Variants in RAB27A observed in about 807,000 individuals in gnomAD.
RAB27A encodes the protein RAB27A, member RAS oncogene family, also known as ras-related protein Rab-27A.
A neutral mutation model predicts 20.8 loss-of-function variants in RAB27A; 17 were observed. The ratio of observed to expected loss-of-function variants is 0.82; its 90% CI spans 0.56 to 1.23. The LOEUF (loss-of-function observed/expected upper bound fraction) is 1.23, where lower values mean the gene tolerates loss of function less well. RAB27A is among the 50% of genes most tolerant of loss of function. RAB27A has a pLI of 0.00. For synonymous variants in RAB27A, 85 were observed against 92.8 expected (o/e 0.92, Z 0.48); for missense variants, 277 against 266.7 (o/e 1.04, Z -0.27).
Position 55,204,034 on chromosome 15 carries a change from A to G in RAB27A, c.*1473T>C, listed in dbSNP as rs568895039. 1.9e-4 allele frequency: 29 copies of G among 152,306 alleles called. No individual in the cohort carries two copies. The East Asian group carries it at 5.2e-3, about 27-fold the overall frequency. 9.4% of individuals were successfully genotyped at this position (152,306 alleles called of 1,614,324 possible). ...CTTCTAGTGTAACCATCACGCAAAT[A>G]TACTTGTATTTTTCTAATTACAGTT... On this transcript the variant is annotated 3_prime_UTR_variant, in exon 7 of 7. Transcript: ENST00000336787.
intron 2 of RAB27A, chr15:55,249,175 T>G (rs1896797792): frequency 1.3e-5 from 2 of 152,192 alleles, no homozygotes; most frequent in Admixed American, 1.3e-4. Flanking sequence ...CAGATTACAG[T>G]TGGCTTTTTT....
chr15:55,220,094 T>C (rs1895495005), intron 6 of RAB27A, among the ~76,000 whole-genome samples: 1 of 152,208 alleles, frequency 6.6e-6, no homozygotes, highest in Non-Finnish European at 1.5e-5. Flanking sequence ...TTCTCAAATT[T>C]ACTTGTCCCA....
intron 1 of RAB27A, among the ~76,000 whole-genome samples, chr15:55,286,295 A>C (rs145935027): frequency 6.6e-6 from 1 of 152,194 alleles, no homozygotes; most frequent in Non-Finnish European, 1.5e-5. Context: ...AAACCATTCT[A>C]TGTGCTATGG....
chr15:55,258,536 C>T (rs1003762294), intron 2 of RAB27A, among the ~76,000 whole-genome samples: 3 of 152,314 alleles, frequency 2.0e-5, no homozygotes, highest in Middle Eastern at 6.8e-3. Context: ...GAGTCACCTC[C>T]TCTAGGGTAG....
At chr15:55,264,104 T>G (rs902804440) in intron 2 of RAB27A, among the ~76,000 whole-genome samples, 2 of 152,200 alleles carry the variant, frequency 1.3e-5, no homozygotes, top group Non-Finnish European at 2.9e-5. Context: ...GGAGTTGGAG[T>G]GCAGTGGTCC....
intron 6 of RAB27A, among the ~76,000 whole-genome samples, chr15:55,215,040 A>T (rs1895213220): frequency 6.6e-6 from 1 of 152,214 alleles, no homozygotes; most frequent in African/African-American, 2.4e-5. Context: ...ACATTACATG[A>T]AAAAGCAGTT....
At position 55,249,108 on chromosome 15, in the gene RAB27A, A is replaced by C. The variant is rs556751530; in HGVS notation, c.-22-14152T>G. ...GGGTGTGACTTGCGTTTGCTTATGC[A>C]AAATGACTGAGGAACAACAATGCAC... is the stretch of plus-strand genomic sequence containing the variant. On this transcript the variant is annotated intron_variant, in intron 2 of 6. Transcript: ENST00000336787. The C allele has an allele frequency of 3.3e-5, 5 of 152,374 alleles. No individual in the cohort carries two copies. In the South Asian group the frequency reaches 1.0e-3, roughly 32 times the overall value. The allele number at this position is 152,374 out of a possible 1,614,324, so 9.4% of individuals were successfully genotyped here.
At chr15:55,290,815 G>A (rs1898288658), upstream of RAB27A, among the ~76,000 whole-genome samples, 1 of 152,238 alleles carries the variant, frequency 6.6e-6, no homozygotes, top group Admixed American at 6.5e-5. Flanking sequence ...AAGGCCCTTT[G>A]AACCAAATGT....
intron 3 of RAB27A, among the ~76,000 whole-genome samples, chr15:55,233,241 G>T (rs756590031): frequency 2.0e-5 from 3 of 152,050 alleles, no homozygotes; most frequent in Non-Finnish European, 4.4e-5. Context: ...ACAAAAATAT[G>T]GGAGAAAACA....
chr15:55,290,951 C>A (rs1232222284), upstream of RAB27A, among the ~76,000 whole-genome samples: 3 of 152,234 alleles, frequency 2.0e-5, no homozygotes, highest in East Asian at 5.8e-4. Context: ...CCCACCCGGT[C>A]AACTCCATCA....
At chr15:55,301,100 G>T (rs966166836) in intron 2 of RAB27A, among the ~76,000 whole-genome samples, 5 of 152,036 alleles carry the variant, frequency 3.3e-5, no homozygotes, top group African/African-American at 1.2e-4. Flanking sequence ...TCAGTTAAGA[G>T]TGGGAGTTCA....
intron 2 of RAB27A, among the ~76,000 whole-genome samples, chr15:55,304,898 CAT>C (rs1445904211): frequency 6.6e-6 from 1 of 151,852 alleles, no homozygotes. Flanking sequence ...TGCAAGATTT[CAT>C]AGAGTGAAAA....
In RAB27A at chr15:55,222,949, T is replaced by C. The variant is rs975990026; in HGVS notation, c.467+940A>G. 3.9e-5 allele frequency among the ~76,000 whole-genome samples: 6 copies of C among 152,096 alleles called. 1 individual carries two copies. The highest frequency in any genetic ancestry group is 7.4e-5 in the Non-Finnish European group (5 of 68,022). ...AGGCACCCTTAACACTTTAATACTT[T>C]AATAAGCAGCAGCTGACCACTTCTT... On this transcript the variant is annotated intron_variant, in intron 6 of 6. Coordinates refer to ENST00000336787, the MANE Select transcript of RAB27A (RefSeq NM_183235.3).
At chr15:55,262,058 C>G (rs997627461) in intron 2 of RAB27A, among the ~76,000 whole-genome samples, 3 of 150,396 alleles carry the variant, frequency 2.0e-5, no homozygotes, top group Non-Finnish European at 4.4e-5. Flanking sequence ...AAAAAGTTTT[C>G]AATAAACTCT....
chr15:55,297,719 G>C (rs1029125302), intron 2 of RAB27A, among the ~76,000 whole-genome samples: 1 of 152,124 alleles, frequency 6.6e-6, no homozygotes, highest in Non-Finnish European at 1.5e-5. Flanking sequence ...TTTGTGCTGG[G>C]CCCCACAAAT....
chr15:55,232,645 G>A (rs1433771711), intron 3 of RAB27A, among the ~76,000 whole-genome samples: 1 of 152,140 alleles, frequency 6.6e-6, no homozygotes, highest in East Asian at 1.9e-4. Flanking sequence ...GTCATCTCTA[G>A]CAGACCTATC....
intron 2 of RAB27A, among the ~76,000 whole-genome samples, chr15:55,264,363 A>C (rs756006054): frequency 6.6e-6 from 1 of 152,118 alleles, no homozygotes; most frequent in Non-Finnish European, 1.5e-5. Flanking sequence ...CAAAATCTTT[A>C]TTTTGTGATT....
chr15:55,277,010 T>A (rs552937660), intron 1 of RAB27A, among the ~76,000 whole-genome samples: 14 of 152,324 alleles, frequency 9.2e-5, no homozygotes, highest in East Asian at 1.9e-4. Context: ...GTAGTTTTTT[T>A]AAAAATAAAT....
chr15:55,249,034 G>T (rs1595714627), intron 2 of RAB27A: 1 of 152,262 alleles, frequency 6.6e-6, no homozygotes, highest in South Asian at 2.1e-4. Flanking sequence ...AGTATGCAGA[G>T]TCTCAGAACT....
Sources: gnomAD v4.1 joint callset for allele counts (sites outside exome capture counted in the v4.1 genomes callset) on GRCh38, gnomAD v4.1.1 for gene constraint, MANE v1.5 for transcripts, NCBI Gene and HGNC (gene_info 2026-07-23, HGNC 2026-07-21) for gene names.